The following FLT3 variants were observed in gnomAD, a reference collection of about 807,000 sequenced individuals.
FLT3 encodes fms related receptor tyrosine kinase 3.
Under a neutral mutation model 126.6 loss-of-function variants are expected in FLT3, and 46 were observed. That is an observed-to-expected ratio of 0.36 (90% confidence interval 0.29 to 0.46). FLT3 has a LOEUF of 0.46. Among genes scored for constraint, FLT3 ranks in the 20% least tolerant of loss-of-function variants. The pLI, the probability that FLT3 is intolerant of heterozygous loss-of-function variation, is 1.00. For synonymous variants in FLT3, 404 were observed against 434.4 expected, an observed-to-expected ratio of 0.93 and a Z score of 0.87; for missense variants, 1,069 against 1,190.3, an observed-to-expected ratio of 0.90 and a Z score of 1.50.
rs115407541 is a variant in FLT3 at position 28,058,580 on chromosome 13, C to T, written c.369-1118G>A. On this transcript the variant is annotated intron_variant, in intron 3 of 23. Coordinates refer to ENST00000241453, the MANE Select transcript of FLT3 (RefSeq NM_004119.3). ...TCTGACCTTTAGACCCTTAACTGTGCAAAGTGTAGTCTTTCTCTAACAGTG... is the reference window on the plus strand; with the variant it reads ...TCTGACCTTTAGACCCTTAACTGTGTAAAGTGTAGTCTTTCTCTAACAGTG... Among the ~76,000 whole-genome samples, 746 of 152,254 alleles carry T rather than the reference C, an allele frequency of 4.9e-3. 4 individuals are homozygous for T. The highest frequency in any genetic ancestry group is 0.017 in the African/African-American group (695 of 41,554).
intron 3 of FLT3, among the ~76,000 whole-genome samples, chr13:28,061,170 A>G (rs889987900): frequency 4.0e-5 from 6 of 151,734 alleles, no homozygotes; most frequent in African/African-American, 1.5e-4. Context: ...AGCCTGGCCA[A>G]CATGGTGAAA....
chr13:28,020,095 C>T (rs1872249050), intron 19 of FLT3, among the ~76,000 whole-genome samples: 1 of 152,142 alleles, frequency 6.6e-6, no homozygotes, highest in Admixed American at 6.5e-5. Context: ...CAACTCATTA[C>T]CTTTCTCCAA....
At chr13:28,024,765 A>G in intron 18 of FLT3, 96 bp downstream of exon 18, 2 of 866,134 alleles carry the variant, frequency 2.3e-6, no homozygotes, top group African/African-American at 1.7e-5. Context: ...AAATTTTAAA[A>G]TGCTTTTGTG....
At chr13:28,070,687 C>A (rs530954633) in intron 1 of FLT3, 75 bp from the exon 2 acceptor site, 1 of 1,178,530 alleles carries the variant, frequency 8.5e-7, no homozygotes, top group Non-Finnish European at 1.2e-6. Flanking sequence ...ATCTTGCAAC[C>A]AAACAACAAA....
At position 28,003,486 on chromosome 13, in the gene FLT3, T is replaced by C. The variant is rs1870618059; in HGVS notation, c.*566A>G. 1 of 235,296 alleles carries C rather than the reference T, an allele frequency of 4.2e-6. No individual in the cohort carries two copies. Among genetic ancestry groups the C allele is most frequent in the African/African-American group, 2.2e-5 (1 of 45,330 alleles). 14.6% of individuals were successfully genotyped at this position (235,296 alleles called of 1,614,324 possible). ...AGCTGCCTACACATTCCTTGTATCT[T>C]GGGGTAAAAGCACACGTGCTCTGGA... On this transcript the variant is annotated 3_prime_UTR_variant, in exon 24 of 24. Transcript: ENST00000241453.
intron 9 of FLT3, 24 bp downstream of exon 9, chr13:28,048,251 T>C (rs760981462): frequency 1.9e-6 from 3 of 1,587,346 alleles, no homozygotes; most frequent in African/African-American, 1.4e-5. Flanking sequence ...AAAAATGGTA[T>C]CTTAGAGTCC....
chr13:28,032,866 T>C (rs551388316), intron 15 of FLT3, among the ~76,000 whole-genome samples: 2 of 152,260 alleles, frequency 1.3e-5, no homozygotes, highest in East Asian at 3.9e-4. Context: ...AAATATCCAT[T>C]AGGCTTGGTT....
intron 19 of FLT3, among the ~76,000 whole-genome samples, chr13:28,021,787 G>C (rs918176339): frequency 6.6e-6 from 1 of 150,820 alleles, no homozygotes; most frequent in African/African-American, 2.4e-5. Flanking sequence ...CTGTCGCCCA[G>C]GCTGGAGTGC....
At chr13:28,019,318 C>T (rs1399851106) in intron 19 of FLT3, among the ~76,000 whole-genome samples, 2 of 151,890 alleles carry the variant, frequency 1.3e-5, no homozygotes, top group Non-Finnish European at 2.9e-5. Flanking sequence ...GGAGTAATAT[C>T]GAGGGAAATA....
At chr13:28,016,472 T>C (rs888616053) in intron 20 of FLT3, among the ~76,000 whole-genome samples, 2 of 152,176 alleles carry the variant, frequency 1.3e-5, no homozygotes, top group African/African-American at 4.8e-5. Flanking sequence ...GATTTCACCA[T>C]GTTGGCCAGG....
intron 1 of FLT3, among the ~76,000 whole-genome samples, chr13:28,094,413 T>TA (rs976281586): frequency 2.6e-5 from 4 of 151,170 alleles, no homozygotes; most frequent in East Asian, 3.9e-4. Context: ...CTGTTTAACC[T>TA]AAAAAAAAAT....
At chr13:28,067,920 G>GC in intron 2 of FLT3, 1 of 388,572 alleles carries the variant, frequency 2.6e-6, no homozygotes, top group South Asian at 2.4e-5. Flanking sequence ...CAGGCCACCT[G>GC]CCTGAAATAT....
chr13:28,019,303 T>C (rs898155752), intron 19 of FLT3, among the ~76,000 whole-genome samples: 1 of 152,014 alleles, frequency 6.6e-6, no homozygotes, highest in Non-Finnish European at 1.5e-5. Flanking sequence ...GCTTTAGGAA[T>C]AAATGGAGTA....
In FLT3 at chr13:28,049,392, G is replaced by C. The variant is rs543702185; in HGVS notation, c.1028C>G (p.Thr343Ser). Residue 343 changes from threonine to serine, a missense_variant, in exon 8 of 24, where the codon ACC becomes AGC. Coordinates refer to ENST00000241453, the MANE Select transcript of FLT3 (RefSeq NM_004119.3). ...TGAGCAGCCTGCATTACCTACGATG[G>C]TAACCAAAGCTGATTGACTGGGATG... is the stretch of plus-strand genomic sequence containing the variant. ...SKHPSQSALV[T>S]IVEKGFINAT... 2 of 1,613,294 alleles carry C rather than the reference G, an allele frequency of 1.2e-6. No homozygotes were observed. Among genetic ancestry groups the C allele is most frequent in the Non-Finnish European group, 1.7e-6 (2 of 1,179,724 alleles).
At chr13:28,075,511 G>A (rs1877867536) in intron 1 of FLT3, among the ~76,000 whole-genome samples, 1 of 147,414 alleles carries the variant, frequency 6.8e-6, no homozygotes, top group South Asian at 2.1e-4. Context: ...GATCACTTGA[G>A]GTCGGGAGTT....
intron 19 of FLT3, among the ~76,000 whole-genome samples, chr13:28,022,335 A>C (rs1872468101): frequency 6.6e-6 from 1 of 151,958 alleles, no homozygotes; most frequent in South Asian, 2.1e-4. Flanking sequence ...AACATGGTGA[A>C]TTCCCATCTC....
At chr13:28,028,089 AAGAGAGAGAG>A (rs35884842) in intron 16 of FLT3, 79 bp downstream of exon 16, 10 of 581,262 alleles carry the variant, frequency 1.7e-5, no homozygotes, top group Middle Eastern at 2.8e-4. Flanking sequence ...AAGAATTAAA[AAGAGAGAGAG>A]AGAGAGAGAG....
chr13:28,049,725 T>C lies in FLT3; in HGVS notation c.792A>G (p.Val264=). Reference sequence around the variant, plus strand: ...TGCACCTTATCCATAAGGGTTCCCCTACTTTAAGAAATAATTGTGGCAATG... The same window carrying C: ...TGCACCTTATCCATAAGGGTTCCCCCACTTTAAGAAATAATTGTGGCAATG... The part of the protein sequence containing the change: ...QTTLPQLFLK[V]GEPLWIRCKA... Residue 264 remains valine (V), a synonymous_variant, in exon 7 of 24, where the codon GTA becomes GTG. Coordinates refer to ENST00000241453, the MANE Select transcript of FLT3 (RefSeq NM_004119.3). 6.2e-7 allele frequency: 1 copy of C among 1,614,108 alleles called. No individual in the cohort carries two copies. Among genetic ancestry groups the C allele is most frequent in the Non-Finnish European group, 8.5e-7 (1 of 1,179,966 alleles).
intron 9 of FLT3, among the ~76,000 whole-genome samples, chr13:28,047,770 A>C (rs958197175): frequency 1.3e-5 from 2 of 152,128 alleles, no homozygotes; most frequent in African/African-American, 4.8e-5. Context: ...CTTAAAAAAA[A>C]GAATCTTGCA....
Sources: allele counts gnomAD v4.1 joint callset (sites outside exome capture counted in the v4.1 genomes callset), GRCh38; gene constraint gnomAD v4.1.1; transcripts MANE v1.5; gene names NCBI Gene and HGNC (gene_info 2026-07-23, HGNC 2026-07-21).